The following BOC variants were observed in gnomAD, a reference collection of about 807,000 sequenced individuals.
BOC encodes brother of CDO.
A neutral mutation model predicts 112.0 loss-of-function variants in BOC; 76 were observed. The observed-to-expected ratio is 0.68, with a 90% CI of 0.56 to 0.82. The LOEUF (loss-of-function observed/expected upper bound fraction) is 0.82. Among genes scored for constraint, BOC ranks in the 40% least tolerant of loss-of-function variants. BOC has a pLI of 0.00. For missense variants in BOC, 1,309 were observed against 1,511.7 expected, an observed-to-expected ratio of 0.87 and a Z score of 2.22; for synonymous variants, 580 against 599.8, an observed-to-expected ratio of 0.97 and a Z score of 0.48.
chr3:113,268,427 T>C lies in BOC; in HGVS notation c.505T>C (p.Trp169Arg). 1.2e-6 allele frequency: 2 copies of C among 1,613,598 alleles called. No individual in the cohort carries two copies. Among genetic ancestry groups the C allele is most frequent in the Admixed American group, 1.7e-5 (1 of 59,976 alleles). The change falls in exon 5 of 20, where the codon TGG becomes CGG. Residue 169 changes from tryptophan (W) to arginine (R), a missense_variant. Transcript: ENST00000682979. The part of the protein sequence containing the change: ...AQVRYSVKQE[W>R]LEASRGNYLI... ...GGTCCGGTACAGCGTCAAACAAGAG[T>C]GGCTGGAGGCCTCCAGAGGTGAGTG...
chr3:113,253,137 A>G (rs1296482252), intron 4 of BOC, among the ~76,000 whole-genome samples: 2 of 152,210 alleles, frequency 1.3e-5, no homozygotes, highest in East Asian at 1.9e-4. Flanking sequence ...ATACCCTTCC[A>G]GTCTTTATCC....
chr3:113,278,509 G>A lies in BOC; in HGVS notation c.1706-164G>A, dbSNP rs1476107492. Reference sequence around the variant, plus strand: ...AGGGGCCAGCAATAGTACCACAACAGAACCAGTCTCGGCCGAGGCTGAGCC... The same window carrying A: ...AGGGGCCAGCAATAGTACCACAACAAAACCAGTCTCGGCCGAGGCTGAGCC... On this transcript the variant is annotated intron_variant, in intron 10 of 19. Transcript: ENST00000682979. The surrounding 1 kb of genome is among the most constrained non-coding windows in gnomAD (Gnocchi z 4.2). Among the ~76,000 whole-genome samples, 4 of 152,048 alleles carry A rather than the reference G, an allele frequency of 2.6e-5. No homozygotes were observed. The highest frequency in any genetic ancestry group is 2.6e-4 in the Admixed American group (4 of 15,254).
intron 2 of BOC, among the ~76,000 whole-genome samples, chr3:113,227,398 C>A (rs9968161): frequency 1.3e-5 from 2 of 152,130 alleles, no homozygotes; most frequent in Non-Finnish European, 2.9e-5. Flanking sequence ...GGGAAAAGCC[C>A]TTCCTGGATA....
At chr3:113,221,469 T>C (rs1940636881) in intron 2 of BOC, among the ~76,000 whole-genome samples, 1 of 152,184 alleles carries the variant, frequency 6.6e-6, no homozygotes, top group South Asian at 2.1e-4. Flanking sequence ...CCCCCATGCC[T>C]TCCCCTCTGC....
intron 4 of BOC, among the ~76,000 whole-genome samples, chr3:113,253,317 A>T (rs977662387): frequency 1.3e-5 from 2 of 152,224 alleles, no homozygotes; most frequent in African/African-American, 2.4e-5. Flanking sequence ...AATTATTACA[A>T]TATGGCTTAC....
In BOC at chr3:113,260,697, CAGAACAGAACAGAACAGAACAGAA is replaced by C. The variant is rs1448341754; in HGVS notation, c.377-7577_377-7554del. ...CAGAACAGAACAGAACAGAACAGAACAGAACAGAACAGAACAGAACAGAAAGAACAGAACAGAACAGAACAGAAC... is the reference window on the plus strand; with the variant it reads ...CAGAACAGAACAGAACAGAACAGAACAGAACAGAACAGAACAGAACAGAAC... On this transcript the variant is annotated intron_variant, in intron 4 of 19. Transcript: ENST00000682979. 2.9e-3 allele frequency among the ~76,000 whole-genome samples: 373 copies of C among 129,862 alleles called. 5 individuals are homozygous for C. The highest frequency in any genetic ancestry group is 0.011 in the African/African-American group (345 of 32,224). 85.2% of individuals were successfully genotyped at this position (129,862 alleles called of 152,430 possible). A position where few individuals can be genotyped will look rare whatever the true frequency, so the allele number is the denominator to read the frequency against.
chr3:113,222,522 C>T (rs1940896294), intron 2 of BOC, among the ~76,000 whole-genome samples: 1 of 152,154 alleles, frequency 6.6e-6, no homozygotes, highest in Admixed American at 6.5e-5. Context: ...AGAAAGAGCC[C>T]AGTTTCTTCT....
At chr3:113,245,633 G>T (rs1177054987) in intron 2 of BOC, among the ~76,000 whole-genome samples, 1 of 152,160 alleles carries the variant, frequency 6.6e-6, no homozygotes, top group Admixed American at 6.5e-5. Context: ...AGAAAACTGG[G>T]AGCATGCAAA....
intron 2 of BOC, among the ~76,000 whole-genome samples, chr3:113,248,833 A>G (rs1945257256): frequency 6.6e-6 from 1 of 152,162 alleles, no homozygotes; most frequent in African/African-American, 2.4e-5. Flanking sequence ...GTGTTGTCAG[A>G]TGGCTGGAGG....
chr3:113,240,371 C>T (rs1355737636), intron 2 of BOC, among the ~76,000 whole-genome samples: 1 of 152,150 alleles, frequency 6.6e-6, no homozygotes, highest in African/African-American at 2.4e-5. Flanking sequence ...ATACTCGCAC[C>T]ACTCTGTCAG....
intron 2 of BOC, among the ~76,000 whole-genome samples, chr3:113,247,430 T>C (rs568174600): frequency 6.7e-6 from 1 of 149,796 alleles, no homozygotes; most frequent in South Asian, 2.1e-4. Flanking sequence ...TAGAAATCAC[T>C]GTTAAAATGT....
At chr3:113,263,175 A>G (rs540913863) in intron 4 of BOC, among the ~76,000 whole-genome samples, 3 of 152,322 alleles carry the variant, frequency 2.0e-5, no homozygotes, top group African/African-American at 7.2e-5. Context: ...ATTATCCATC[A>G]GTCCAGAAAC....
chr3:113,285,311 G>C, intron 18 of BOC, 61 bp from the exon 19 acceptor site: 1 of 1,538,604 alleles, frequency 6.5e-7, no homozygotes, highest in Non-Finnish European at 9.0e-7. Context: ...CCAGCAGGGG[G>C]ATGGGGCGAC....
intron 2 of BOC, among the ~76,000 whole-genome samples, chr3:113,227,807 A>G (rs1440842593): frequency 6.6e-6 from 1 of 152,176 alleles, no homozygotes; most frequent in Non-Finnish European, 1.5e-5. Context: ...AAAGAATAGT[A>G]TCATGAACCC....
intron 4 of BOC, chr3:113,251,639 T>G (rs1292888424): frequency 6.6e-6 from 1 of 152,200 alleles, no homozygotes; most frequent in African/African-American, 2.4e-5. Flanking sequence ...TTTTTTCCTA[T>G]TATGTGACAA....
Position 113,270,844 on chromosome 3 carries a change from T to G in BOC, c.567T>G (p.Asn189Lys). The G allele has an allele frequency of 6.2e-7, 1 of 1,614,028 alleles. No homozygotes were observed. The highest frequency in any genetic ancestry group is 2.2e-5 in the East Asian group (1 of 44,872). The change falls in exon 6 of 20, where the codon AAT becomes AAG. Residue 189 changes from asparagine to lysine, a missense_variant. Coordinates refer to ENST00000682979, the MANE Select transcript of BOC (RefSeq NM_001378074.1). ...CCTCAGGGAACCTCCAGATTGTGAA[T>G]GCCAGCCAGGAGGACGAGGGCATGT... ...IMPSGNLQIV[N>K]ASQEDEGMYK...
Position 113,274,485 on chromosome 3 carries a change from C to T in BOC, c.1345C>T (p.Pro449Ser). Residue 449 changes from proline to serine, a missense_variant, in exon 9 of 20, where the codon CCC (proline) becomes TCC (serine). Pro to Ser is a moderately conservative substitution (Grantham distance 74, BLOSUM62 -1). Coordinates refer to ENST00000682979, the MANE Select transcript of BOC (RefSeq NM_001378074.1). This position sits in a 1 kb window ranked among gnomAD's most constrained non-coding sequence, Gnocchi z 4.8. ...GATGCTGAGGGGGCAACCGGCGCTC[C>T]CCAGACCCCCAACGTCAGTGGGGCC... Reference protein sequence around the residue: ...EQMLRGQPALPRPPTSVGPAS... With the variant: ...EQMLRGQPALSRPPTSVGPAS... 1 of 1,612,262 alleles carries T rather than the reference C, an allele frequency of 6.2e-7. No individual in the cohort carries two copies.
chr3:113,221,011 G>C (rs1378608580), intron 2 of BOC, among the ~76,000 whole-genome samples: 1 of 152,164 alleles, frequency 6.6e-6, no homozygotes, highest in African/African-American at 2.4e-5. Flanking sequence ...CCACTTCCAA[G>C]TTTGAGATTG....
chr3:113,222,271 G>C (rs532949985), intron 2 of BOC, among the ~76,000 whole-genome samples: 146 of 152,254 alleles, frequency 9.6e-4, no homozygotes, highest in African/African-American at 3.4e-3. Context: ...GGGTTGGTAA[G>C]TGGTGCTCAC....
Sources: allele counts gnomAD v4.1 joint callset (sites outside exome capture counted in the v4.1 genomes callset), GRCh38; gene constraint gnomAD v4.1.1; non-coding constraint Gnocchi (gnomAD v3.1); transcripts MANE v1.5; gene names NCBI Gene and HGNC (gene_info 2026-07-23, HGNC 2026-07-21).